ALK: variants seen among roughly 807,000 people sequenced by gnomAD.
ALK encodes the protein ALK tyrosine kinase receptor.
A neutral mutation model predicts 163.1 loss-of-function variants in ALK; 74 were observed. That is an observed-to-expected ratio of 0.45 (90% CI 0.38 to 0.55). The LOEUF (loss-of-function observed/expected upper bound fraction) is 0.55, where lower values mean the gene tolerates loss of function less well. ALK is among the 20% of genes least tolerant of loss of function. ALK has a pLI of 0.00. For synonymous variants in ALK, 960 were observed against 843.2 expected, an observed-to-expected ratio of 1.14 and a Z score of -2.40; for missense variants, 2,063 against 2,105.3, an observed-to-expected ratio of 0.98 and a Z score of 0.39.
At chr2:29,696,672 A>G (rs1288967109) in intron 2 of ALK, among the ~76,000 whole-genome samples, 1 of 152,092 alleles carries the variant, frequency 6.6e-6, no homozygotes. Context: ...GCGTATCATT[A>G]TAATGCAAAA....
At chr2:29,675,384 G>C (rs1468366583) in intron 3 of ALK, among the ~76,000 whole-genome samples, 1 of 151,912 alleles carries the variant, frequency 6.6e-6, no homozygotes. Context: ...TATTTAAACA[G>C]TTATTGAAAA....
intron 13 of ALK, among the ~76,000 whole-genome samples, chr2:29,235,420 A>C (rs77242587): frequency 0.076 from 11,565 of 151,988 alleles, 554 homozygotes; most frequent in Non-Finnish European, 0.11. Context: ...TGTTTCATGG[A>C]ATTTTGGATT....
chr2:29,263,295 G>A (rs1665134754), intron 11 of ALK, among the ~76,000 whole-genome samples: 1 of 152,200 alleles, frequency 6.6e-6, no homozygotes, highest in South Asian at 2.1e-4. Context: ...ATCTAAGAGA[G>A]AGGCAAACGT....
chr2:29,671,065 G>C (rs894070206), intron 3 of ALK, among the ~76,000 whole-genome samples: 1 of 151,890 alleles, frequency 6.6e-6, no homozygotes, highest in Non-Finnish European at 1.5e-5. Flanking sequence ...TTTTGTGTTG[G>C]TATGTGTTTA....
chr2:29,640,085 A>T (rs976855030), intron 3 of ALK, among the ~76,000 whole-genome samples: 2 of 152,218 alleles, frequency 1.3e-5, no homozygotes, highest in East Asian at 3.8e-4. Flanking sequence ...TGCGAATTAG[A>T]CAGAGGGAGG....
intron 1 of ALK, among the ~76,000 whole-genome samples, chr2:29,775,853 T>C (rs1332410362): frequency 6.6e-6 from 1 of 152,202 alleles, no homozygotes; most frequent in Non-Finnish European, 1.5e-5. Context: ...TTTAAAGTTT[T>C]AGTAAGTATT....
intron 4 of ALK, among the ~76,000 whole-genome samples, chr2:29,489,296 T>C (rs919667008): frequency 6.6e-6 from 1 of 152,078 alleles, no homozygotes; most frequent in Non-Finnish European, 1.5e-5. Context: ...TCCTAGGATG[T>C]TACATTATTA....
intron 3 of ALK, among the ~76,000 whole-genome samples, chr2:29,542,372 G>T (rs768507710): frequency 1.3e-5 from 2 of 151,990 alleles, no homozygotes; most frequent in Admixed American, 6.5e-5. Flanking sequence ...ATTTGTATCA[G>T]TTGCTTTCTG....
chr2:29,619,768 G>C (rs528423919), intron 3 of ALK, among the ~76,000 whole-genome samples: 2 of 152,358 alleles, frequency 1.3e-5, no homozygotes, highest in African/African-American at 4.8e-5. Context: ...CTCCTGGGTT[G>C]TCAAACAATA....
chr2:29,694,818 A>C (rs1391645172), intron 3 of ALK, 32 bp downstream of exon 3: 2 of 1,612,616 alleles, frequency 1.2e-6, no homozygotes, highest in South Asian at 2.2e-5. Flanking sequence ...GCCCTGACCC[A>C]CCCAGGACAT....
Position 29,701,052 on chromosome 2 carries a change from T to C in ALK, c.788-6038A>G, listed in dbSNP as rs561583464. ...TACCAGGCCGAGACACTCAAGGAGA[T>C]TGCATGTAGGTTCCAGCTATTCTCC... On this transcript the variant is annotated intron_variant, in intron 2 of 28. Coordinates refer to ENST00000389048, the MANE Select transcript of ALK (RefSeq NM_004304.5). 2.6e-5 allele frequency among the ~76,000 whole-genome samples: 4 copies of C among 152,240 alleles called. No individual in the cohort carries two copies. In the East Asian group the frequency reaches 7.7e-4, roughly 29 times the overall value.
intron 5 of ALK, among the ~76,000 whole-genome samples, chr2:29,348,250 T>C (rs1668011002): frequency 6.6e-6 from 1 of 152,212 alleles, no homozygotes; most frequent in African/African-American, 2.4e-5. Flanking sequence ...CCCAGCCAGA[T>C]TGTCCCCCAG....
At chr2:29,291,974 A>G (rs1392057171) in intron 9 of ALK, among the ~76,000 whole-genome samples, 2 of 152,234 alleles carry the variant, frequency 1.3e-5, no homozygotes, top group Non-Finnish European at 2.9e-5. Flanking sequence ...TCTTGGCTCT[A>G]TGGAGTTTCT....
chr2:29,755,048 C>T (rs1428265819), intron 1 of ALK, among the ~76,000 whole-genome samples: 1 of 146,694 alleles, frequency 6.8e-6, no homozygotes, highest in African/African-American at 2.4e-5. Context: ...TGAAGGAATG[C>T]TTATAAAGTT....
intron 6 of ALK, 35 bp from the exon 7 acceptor site, chr2:29,320,917 G>T (rs1667021558): frequency 6.2e-7 from 1 of 1,613,966 alleles, no homozygotes; most frequent in African/African-American, 1.3e-5. Flanking sequence ...ATCATTTTCA[G>T]GACCACTAAA....
chr2:29,194,942 TG>T (rs1668987842), intron 28 of ALK, among the ~76,000 whole-genome samples: 1 of 152,212 alleles, frequency 6.6e-6, no homozygotes, highest in Non-Finnish European at 1.5e-5. Context: ...CAGAAGCAGC[TG>T]CCAGAAGTTT....
At chr2:29,662,536 G>T (rs551623044) in intron 3 of ALK, among the ~76,000 whole-genome samples, 1 of 152,232 alleles carries the variant, frequency 6.6e-6, no homozygotes, top group African/African-American at 2.4e-5. Flanking sequence ...GGTAGGAGAG[G>T]TGCAATAAAT....
intron 1 of ALK, among the ~76,000 whole-genome samples, chr2:29,906,559 C>T (rs181859113): frequency 7.2e-5 from 11 of 152,184 alleles, no homozygotes; most frequent in African/African-American, 2.6e-4. Context: ...TACTTGTCAG[C>T]CAAACTACAG....
At chr2:29,381,005 G>A (rs1370433602) in intron 5 of ALK, among the ~76,000 whole-genome samples, 2 of 152,228 alleles carry the variant, frequency 1.3e-5, no homozygotes, top group Admixed American at 1.3e-4. Context: ...GGAACAGGAA[G>A]AGTCAAAGAT....
Sources: allele counts gnomAD v4.1 joint callset (sites outside exome capture counted in the v4.1 genomes callset), GRCh38; gene constraint gnomAD v4.1.1; transcripts MANE v1.5; gene names NCBI Gene and HGNC (gene_info 2026-07-23, HGNC 2026-07-21).